The following CFAP44 variants were observed in gnomAD, a reference collection of about 807,000 sequenced individuals.
The protein encoded by CFAP44 is cilia and flagella associated protein 44.
A neutral mutation model predicts 216.2 loss-of-function variants in CFAP44; 134 were observed. The ratio of observed to expected loss-of-function variants is 0.62; its 90% CI spans 0.54 to 0.72. The LOEUF (loss-of-function observed/expected upper bound fraction) is 0.72, where lower values mean the gene tolerates loss of function less well. Ranked by LOEUF, CFAP44 falls within the 30% of genes least tolerant of loss-of-function variation. The probability of loss-of-function intolerance (pLI) is 0.00; values close to 1 mark genes in which losing one functional copy is unlikely to be tolerated. For missense variants in CFAP44, 2,035 were observed against 2,182.1 expected (o/e 0.93, Z 1.34); for synonymous variants, 700 against 727.6 (o/e 0.96, Z 0.61).
chr3:113,385,450 A>G (rs1389309970), intron 15 of CFAP44, among the ~76,000 whole-genome samples: 10 of 152,234 alleles, frequency 6.6e-5, no homozygotes, highest in Non-Finnish European at 1.5e-4. Context: ...AAGAGAGTTT[A>G]TATTTTATGA....
At chr3:113,371,563 A>T (rs1933164820) in intron 18 of CFAP44, among the ~76,000 whole-genome samples, 2 of 152,160 alleles carry the variant, frequency 1.3e-5, no homozygotes, top group African/African-American at 2.4e-5. Context: ...TCCTTACACC[A>T]TATACAAAAA....
intron 29 of CFAP44, among the ~76,000 whole-genome samples, chr3:113,307,751 T>A (rs184411917): frequency 6.0e-4 from 91 of 152,234 alleles, no homozygotes; most frequent in African/African-American, 2.1e-3. Context: ...AGGTGGATCA[T>A]GAGGTCAGGA....
At chr3:113,391,173 T>C (rs746008539) in intron 15 of CFAP44, among the ~76,000 whole-genome samples, 1 of 152,032 alleles carries the variant, frequency 6.6e-6, no homozygotes, top group South Asian at 2.1e-4. Flanking sequence ...GAATACAGAA[T>C]GCAAAAACAA....
In CFAP44 at chr3:113,409,286, T is replaced by C; in HGVS notation, c.710A>G (p.Asn237Ser). ...TEKGYAYVDF[N>S]YSGNLLASVG... ...AGAGGCCAGCAAGTTACCGCTGTAG[T>C]TAAAGTCCACATAAGCATATCCCTT... Residue 237 changes from asparagine to serine, a missense_variant, in exon 7 of 35, where the codon AAC (asparagine) becomes AGC (serine). Physicochemically the swap from Asn to Ser is conservative, Grantham distance 46 (BLOSUM62 1). Transcript: ENST00000393845. 1 of 1,614,144 alleles carries C rather than the reference T, an allele frequency of 6.2e-7. No homozygotes were observed.
chr3:113,315,832 C>G (rs1950081438), intron 28 of CFAP44, among the ~76,000 whole-genome samples: 2 of 152,192 alleles, frequency 1.3e-5, no homozygotes, highest in Admixed American at 6.5e-5. Context: ...TCTTGCCCAA[C>G]TCCAGGCTAA....
At chr3:113,380,841 T>G in intron 16 of CFAP44, 58 bp downstream of exon 16, 1 of 1,372,300 alleles carries the variant, frequency 7.3e-7, no homozygotes, top group East Asian at 2.5e-5. Context: ...ACATAGGATA[T>G]TTTATATTCT....
chr3:113,338,831 G>A (rs1158919775), intron 24 of CFAP44, among the ~76,000 whole-genome samples: 2 of 152,126 alleles, frequency 1.3e-5, no homozygotes, highest in Non-Finnish European at 2.9e-5. Flanking sequence ...TTTAGGGTGA[G>A]GATTTCTAAG....
intron 2 of CFAP44, among the ~76,000 whole-genome samples, chr3:113,430,541 C>G (rs904314865): frequency 2.0e-5 from 3 of 150,336 alleles, no homozygotes; most frequent in Non-Finnish European, 4.4e-5. Context: ...AGAGAAACAA[C>G]ATAAATCTGC....
intron 15 of CFAP44, among the ~76,000 whole-genome samples, chr3:113,393,778 G>A (rs999020388): frequency 7.2e-5 from 11 of 152,156 alleles, no homozygotes; most frequent in African/African-American, 1.4e-4. Flanking sequence ...GCCTCCCAAA[G>A]TGCTGGGATT....
intron 19 of CFAP44, among the ~76,000 whole-genome samples, chr3:113,365,208 T>C (rs923066344): frequency 2.6e-5 from 4 of 152,164 alleles, no homozygotes; most frequent in African/African-American, 9.6e-5. Flanking sequence ...CTGCAATTCC[T>C]TTTTCTGAGC....
chr3:113,304,972 C>T, intron 31 of CFAP44, 64 bp downstream of exon 31: 2 of 1,422,058 alleles, frequency 1.4e-6, no homozygotes, highest in Non-Finnish European at 1.9e-6. Context: ...GAATCTTTCT[C>T]TGAAAAGCTT....
chr3:113,348,742 G>A (rs774490752), intron 22 of CFAP44, among the ~76,000 whole-genome samples: 10 of 152,088 alleles, frequency 6.6e-5, no homozygotes, highest in African/African-American at 1.4e-4. Flanking sequence ...GGCCCAACCC[G>A]GGTACATGTC....
At chr3:113,393,426 G>A (rs1040498294) in intron 15 of CFAP44, among the ~76,000 whole-genome samples, 2 of 152,106 alleles carry the variant, frequency 1.3e-5, no homozygotes, top group Non-Finnish European at 2.9e-5. Flanking sequence ...CTCATGAATA[G>A]ATTGATGATT....
At chr3:113,385,971 T>C (rs985961844) in intron 15 of CFAP44, among the ~76,000 whole-genome samples, 15 of 144,560 alleles carry the variant, frequency 1.0e-4, no homozygotes, top group East Asian at 2.1e-4. Context: ...TTTCGATCTA[T>C]ATGTTTTATC....
intron 23 of CFAP44, among the ~76,000 whole-genome samples, chr3:113,343,502 C>T (rs926018406): frequency 6.6e-6 from 1 of 151,892 alleles, no homozygotes. Flanking sequence ...AAATATATAG[C>T]GGTATAGAGA....
chr3:113,362,814 C>T lies in CFAP44; in HGVS notation c.2934+331G>A, dbSNP rs115721054. ...CGCTTCAGGCCAATTTTTGTTTATA[C>T]TTCAGTGTATCTGTTATTCATGTCT... On this transcript the variant is annotated intron_variant, in intron 21 of 34. Transcript: ENST00000393845. 425 of 1,020,432 alleles carry T rather than the reference C, an allele frequency of 4.2e-4. 2 individuals carry two copies. The African/African-American group carries it at 5.4e-3, about 13-fold the overall frequency. The allele number at this position is 1,020,432 out of a possible 1,614,324, so 63.2% of individuals were successfully genotyped here.
At chr3:113,406,611 G>T (rs1362918896) in intron 8 of CFAP44, among the ~76,000 whole-genome samples, 74 of 148,650 alleles carry the variant, frequency 5.0e-4, no homozygotes, top group Non-Finnish European at 7.4e-5. Flanking sequence ...GCAACAGAGC[G>T]AGACCCTGTC....
chr3:113,423,151 G>A (rs945670272), intron 4 of CFAP44, among the ~76,000 whole-genome samples: 1 of 89,216 alleles, frequency 1.1e-5, no homozygotes, highest in African/African-American at 4.3e-5. Context: ...GTCTCACTTT[G>A]TCACCCAGCC....
At chr3:113,339,015 C>A (rs889906928) in intron 24 of CFAP44, among the ~76,000 whole-genome samples, 2 of 152,150 alleles carry the variant, frequency 1.3e-5, no homozygotes, top group African/African-American at 4.8e-5. Context: ...ATCAATCAAT[C>A]CTACACTGTT....
Sources: gnomAD v4.1 joint callset for allele counts (sites outside exome capture counted in the v4.1 genomes callset) on GRCh38, gnomAD v4.1.1 for gene constraint, MANE v1.5 for transcripts, NCBI Gene and HGNC (gene_info 2026-07-23, HGNC 2026-07-21) for gene names.